Variants in NOX4 observed in about 807,000 individuals in gnomAD.
NOX4 encodes kidney oxidase-1.
A neutral mutation model predicts 87.6 loss-of-function variants in NOX4; 69 were observed. The observed-to-expected ratio is 0.79, with a 90% CI of 0.65 to 0.96. NOX4 has a LOEUF of 0.96. Ranked by LOEUF, NOX4 falls within the 40% of genes least tolerant of loss-of-function variation. The pLI is 0.00. For missense variants in NOX4, 680 were observed against 681.5 expected (o/e 1.00, Z 0.02); for synonymous variants, 275 against 238.2 (o/e 1.15, Z -1.42).
chr11:89,426,200 A>G (rs532476826), intron 7 of NOX4, among the ~76,000 whole-genome samples: 2 of 152,310 alleles, frequency 1.3e-5, no homozygotes, highest in East Asian at 3.9e-4. Flanking sequence ...TTACAGCAAG[A>G]CAAACTCATA....
chr11:89,523,258 G>A, the NOX4 span, among the ~76,000 whole-genome samples: 1 of 152,054 alleles, frequency 6.6e-6, no homozygotes, highest in African/African-American at 2.4e-5. Flanking sequence ...TCTTGACCTC[G>A]TAATCCTCCC....
At chr11:89,387,960 TA>T (rs1322281318) in intron 11 of NOX4, among the ~76,000 whole-genome samples, 1 of 152,176 alleles carries the variant, frequency 6.6e-6, no homozygotes, top group Non-Finnish European at 1.5e-5. Context: ...AATAAAGGTG[TA>T]AAGCAGGAGA....
rs1361370850 is a variant in NOX4 at position 89,335,919 on chromosome 11, T to G, written c.1542A>C (p.Ala514=). 13 of 1,597,658 alleles carry G rather than the reference T, an allele frequency of 8.1e-6. No homozygotes were observed. Among genetic ancestry groups the G allele is most frequent in the Non-Finnish European group, 1.1e-5 (13 of 1,172,520 alleles). The part of the protein sequence containing the change: ...IQKIIGEKYH[A]LNSRLFIGRP... ...GTCCTATAAACAGTCTTGAATTCAG[T>G]GCATGATATTTTTCTCCAATTATCT... The change falls in exon 17 of 18, where the codon GCA becomes GCC. Residue 514 remains alanine, a synonymous_variant. Transcript: ENST00000263317.
chr11:89,480,680 T>C (rs2135469548), intron 2 of NOX4, among the ~76,000 whole-genome samples: 1 of 152,238 alleles, frequency 6.6e-6, no homozygotes, highest in East Asian at 1.9e-4. Flanking sequence ...GAATAGAACC[T>C]ACCTTGTAGA....
At chr11:89,551,106 T>A in the NOX4 span, among the ~76,000 whole-genome samples, 1 of 152,166 alleles carries the variant, frequency 6.6e-6, no homozygotes, top group Non-Finnish European at 1.5e-5. Context: ...ATGTGTGGTG[T>A]TATTTCTGAG....
chr11:89,396,379 G>C (rs1941485749), intron 11 of NOX4, among the ~76,000 whole-genome samples: 1 of 152,080 alleles, frequency 6.6e-6, no homozygotes, highest in Non-Finnish European at 1.5e-5. Flanking sequence ...CGCTGAAGTT[G>C]CTTATCAGCT....
chr11:89,369,744 ATTTG>A (rs71893993), intron 12 of NOX4, among the ~76,000 whole-genome samples: 77,895 of 149,968 alleles, frequency 0.52, 22,697 homozygotes, highest in African/African-American at 0.8. Context: ...TTATTTATTT[ATTTG>A]TTTGTTTGTT....
rs753988557 is a variant in NOX4 at position 89,340,100 on chromosome 11, C to T, written c.1409G>A (p.Arg470His). Reference protein sequence around the residue: ...IWVCRDIQSFRWFADLLCMLH... With the variant: ...IWVCRDIQSFHWFADLLCMLH... ...CATACAGAGTAAATCTGCAAACCAACGGAAGGACTGGATATCTCTGCATAC... is the reference window on the plus strand; with the variant it reads ...CATACAGAGTAAATCTGCAAACCAATGGAAGGACTGGATATCTCTGCATAC... Residue 470 changes from arginine to histidine, a missense_variant, in exon 15 of 18, where the codon CGT becomes CAT. Arg to His is a conservative substitution (Grantham distance 29, BLOSUM62 0). Coordinates refer to ENST00000263317, the MANE Select transcript of NOX4 (RefSeq NM_016931.5). The T allele has an allele frequency of 6.5e-5, 103 of 1,573,676 alleles. 1 individual carries two copies. The South Asian group carries it at 1.0e-3, about 16-fold the overall frequency.
At chr11:89,495,192 G>T (rs1254927570), upstream of NOX4, among the ~76,000 whole-genome samples, 1 of 152,120 alleles carries the variant, frequency 6.6e-6, no homozygotes, top group East Asian at 1.9e-4. Context: ...GCCCAGGCTG[G>T]TATCAAACTC....
the NOX4 span, among the ~76,000 whole-genome samples, chr11:89,537,792 T>A: frequency 1.3e-5 from 2 of 152,124 alleles, no homozygotes; most frequent in African/African-American, 4.8e-5. Context: ...AGACTCACAC[T>A]TTGTCCAGAT....
chr11:89,382,157 A>AC (rs1940335414), intron 11 of NOX4, among the ~76,000 whole-genome samples: 1 of 151,296 alleles, frequency 6.6e-6, no homozygotes, highest in African/African-American at 2.4e-5. Flanking sequence ...GAGGGCAGGT[A>AC]CCCCCCACCC....
chr11:89,356,303 C>T (rs184126730), intron 12 of NOX4, among the ~76,000 whole-genome samples: 14 of 151,354 alleles, frequency 9.2e-5, no homozygotes, highest in Middle Eastern at 3.4e-3. Flanking sequence ...AAGTGAATGA[C>T]GGCCAGGAAA....
At chr11:89,447,527 A>G (rs148554542) in intron 4 of NOX4, among the ~76,000 whole-genome samples, 134 of 152,322 alleles carry the variant, frequency 8.8e-4, no homozygotes, top group Middle Eastern at 3.4e-3. Flanking sequence ...AAACAAAGCA[A>G]TGTGGTAGAT....
intron 2 of NOX4, among the ~76,000 whole-genome samples, chr11:89,469,802 T>C (rs1945851451): frequency 6.6e-6 from 1 of 152,174 alleles, no homozygotes; most frequent in African/African-American, 2.4e-5. Flanking sequence ...TTTCCTCTCA[T>C]TTTATGTAAA....
intron 4 of NOX4, among the ~76,000 whole-genome samples, chr11:89,445,725 T>A (rs1409907042): frequency 6.6e-6 from 1 of 151,876 alleles, no homozygotes; most frequent in African/African-American, 2.4e-5. Flanking sequence ...TGAAAATGAA[T>A]CAGAGACCCA....
intron 12 of NOX4, among the ~76,000 whole-genome samples, chr11:89,368,679 T>C (rs959540750): frequency 3.9e-5 from 6 of 152,054 alleles, no homozygotes; most frequent in Admixed American, 2.6e-4. Context: ...TATTATCATA[T>C]TGGTGATTAA....
intron 2 of NOX4, among the ~76,000 whole-genome samples, chr11:89,455,099 GT>G: frequency 6.6e-6 from 1 of 152,218 alleles, no homozygotes; most frequent in South Asian, 2.1e-4. Context: ...AGTAAAGTAT[GT>G]TAGTTAAACA....
At chr11:89,442,593 C>T (rs527289195) in intron 5 of NOX4, among the ~76,000 whole-genome samples, 5 of 152,072 alleles carry the variant, frequency 3.3e-5, no homozygotes, top group African/African-American at 1.2e-4. Flanking sequence ...ACAAGTAAAT[C>T]GCCAAGGAAT....
At chr11:89,482,096 G>C (rs1946414108) in intron 2 of NOX4, among the ~76,000 whole-genome samples, 1 of 151,986 alleles carries the variant, frequency 6.6e-6, no homozygotes, top group Non-Finnish European at 1.5e-5. Context: ...AGGGAATAAA[G>C]GGTTGTGTAA....
Sources: allele counts gnomAD v4.1 joint callset (sites outside exome capture counted in the v4.1 genomes callset), GRCh38; gene constraint gnomAD v4.1.1; transcripts MANE v1.5; gene names NCBI Gene and HGNC (gene_info 2026-07-23, HGNC 2026-07-21).